Variants in HERC2 observed in about 807,000 individuals in gnomAD.
HERC2 encodes the protein HECT and RLD domain containing E3 ubiquitin protein ligase 2.
A neutral mutation model predicts 537.7 loss-of-function variants in HERC2; 102 were observed. The observed-to-expected ratio is 0.19, with a 90% CI of 0.16 to 0.22. HERC2 has a LOEUF of 0.22. HERC2 is among the 10% of genes least tolerant of loss of function. The pLI, the probability that HERC2 is intolerant of heterozygous loss-of-function variation, is 1.00. For missense variants in HERC2, 4,236 were observed against 6,198.2 expected (o/e 0.68, Z 10.63); for synonymous variants, 2,224 against 2,466.2 (o/e 0.90, Z 2.91).
chr15:28,157,531 T>C (rs1486107903), intron 69 of HERC2, among the ~76,000 whole-genome samples: 3 of 152,254 alleles, frequency 2.0e-5, no homozygotes, highest in Non-Finnish European at 2.9e-5. Flanking sequence ...TTTATTTGTG[T>C]AGAGGTGTTT....
Position 28,246,903 on chromosome 15 carries a change from A to C in HERC2, c.3236-6T>G. The C allele has an allele frequency of 6.3e-7, 1 of 1,589,522 alleles. No homozygotes were observed. The highest frequency in any genetic ancestry group is 8.5e-7 in the Non-Finnish European group (1 of 1,173,384). ...AACACCCATTAGCTCTGGACCTTGA[A>C]GAAGGATTGAGAAATTTTCATTTTC... On this transcript the variant is annotated splice_region_variant and splice_polypyrimidine_tract_variant and intron_variant, in intron 21 of 92. Transcript: ENST00000261609.
In HERC2 at chr15:28,198,329, C is replaced by G. The variant is rs377214876; in HGVS notation, c.8011+49G>C. The stretch of plus-strand genomic sequence containing the variant: ...CAAAAAGAAATACTAAGTACACATG[C>G]GTTAATGAAAAGTTAACATCAGGAA... On this transcript the variant is annotated intron_variant, in intron 50 of 92. Coordinates refer to ENST00000261609, the MANE Select transcript of HERC2 (RefSeq NM_004667.6). 3 of 1,581,406 alleles carry G rather than the reference C, an allele frequency of 1.9e-6. No homozygotes were observed. In the Admixed American group the frequency reaches 5.1e-5, roughly 27 times the overall value.
intron 67 of HERC2, 127 bp from the exon 68 acceptor site, chr15:28,167,954 C>T: frequency 9.4e-7 from 1 of 1,062,954 alleles, no homozygotes; most frequent in Non-Finnish European, 1.3e-6. Context: ...CCAGATTTTA[C>T]AGAGGTAACA....
intron 4 of HERC2, 29 bp from the exon 5 acceptor site, chr15:28,280,316 C>T (rs567624612): frequency 1.3e-6 from 2 of 1,550,864 alleles, no homozygotes; most frequent in Admixed American, 1.9e-5. Flanking sequence ...AAACATCTCA[C>T]CTGTGGACAA....
chr15:28,130,617 T>A (rs771933909), intron 81 of HERC2, 23 bp from the exon 82 acceptor site: 9 of 1,528,128 alleles, frequency 5.9e-6, no homozygotes, highest in Admixed American at 1.7e-5. Context: ...AAGGTTCAAT[T>A]AGACAGACAG....
intron 67 of HERC2, 125 bp downstream of exon 67, chr15:28,168,281 TA>T: frequency 1.1e-6 from 1 of 914,226 alleles, no homozygotes; most frequent in Non-Finnish European, 1.7e-6. Flanking sequence ...TTCTTCTAAG[TA>T]AAGCCAAAAA....
intron 79 of HERC2, among the ~76,000 whole-genome samples, chr15:28,134,703 CTTTTTT>C (rs71132835): frequency 2.8e-4 from 32 of 114,802 alleles, no homozygotes; most frequent in Non-Finnish European, 5.5e-4. Context: ...ATTTTTTCCT[CTTTTTT>C]TTTTTTTTTT....
chr15:28,218,725 A>G, intron 37 of HERC2, 54 bp from the exon 38 acceptor site: 1 of 1,379,814 alleles, frequency 7.2e-7, no homozygotes, highest in Non-Finnish European at 1.0e-6. Flanking sequence ...ACTGGAAGAT[A>G]GTCCTGCATA....
At chr15:28,295,715 T>C (rs1160155513) in intron 3 of HERC2, among the ~76,000 whole-genome samples, 1 of 152,184 alleles carries the variant, frequency 6.6e-6, no homozygotes, top group Non-Finnish European at 1.5e-5. Context: ...TTTATAGTTT[T>C]TAATAATTGA....
chr15:28,126,732 G>A (rs1003568640), intron 83 of HERC2, among the ~76,000 whole-genome samples: 1 of 152,124 alleles, frequency 6.6e-6, no homozygotes, highest in Admixed American at 6.5e-5. Context: ...AGAGGAGTGA[G>A]GGATAAAAGA....
intron 83 of HERC2, among the ~76,000 whole-genome samples, chr15:28,126,019 T>C (rs1235329483): frequency 1.3e-5 from 2 of 152,076 alleles, no homozygotes; most frequent in African/African-American, 4.8e-5. Flanking sequence ...ACCATGTGGG[T>C]CAGGCTGGTC....
intron 35 of HERC2, among the ~76,000 whole-genome samples, chr15:28,224,684 C>A (rs1489413348): frequency 6.6e-6 from 1 of 152,100 alleles, no homozygotes; most frequent in South Asian, 2.1e-4. Context: ...GAACATCTCA[C>A]CAAAAAGAGC....
intron 4 of HERC2, among the ~76,000 whole-genome samples, chr15:28,289,373 T>C (rs537157566): frequency 0.016 from 2,417 of 147,264 alleles, 81 homozygotes; most frequent in Non-Finnish European, 0.022. Flanking sequence ...ACAAATATGA[T>C]GTAAAAATCC....
At chr15:28,167,533 G>A (rs536497284) in intron 68 of HERC2, among the ~76,000 whole-genome samples, 154 bp downstream of exon 68, 1 of 152,342 alleles carries the variant, frequency 6.6e-6, no homozygotes, top group Admixed American at 6.5e-5. Flanking sequence ...GTGTCCTGCG[G>A]CATTCCCACA....
rs1405437780 is a variant in HERC2, at chr15:28,316,053, G to A, written c.72+5309C>T. The A allele has an allele frequency of 1.3e-4, 29 of 225,068 alleles. 1 individual carries two copies. The highest frequency in any genetic ancestry group is 6.7e-4 in the African/African-American group (18 of 26,682). The allele number at this position is 225,068 out of a possible 1,614,324, so 13.9% of individuals were successfully genotyped here. A position where few individuals can be genotyped will look rare whatever the true frequency, so the allele number is the denominator to read the frequency against. ...AACCATATAATAAATCACCTCTTCC[G>A]CTGTTTAAAAAAAAAAAAAATTATC... On this transcript the variant is annotated intron_variant, in intron 2 of 92. Coordinates refer to ENST00000261609, the MANE Select transcript of HERC2 (RefSeq NM_004667.6).
chr15:28,217,050 GAC>G (rs1899993214), intron 38 of HERC2, among the ~76,000 whole-genome samples: 1 of 152,054 alleles, frequency 6.6e-6, no homozygotes, highest in Non-Finnish European at 1.5e-5. Flanking sequence ...TGCTCACACT[GAC>G]ACAAGGCACT....
chr15:28,280,888 T>A (rs1353413325), intron 4 of HERC2, among the ~76,000 whole-genome samples: 2 of 151,898 alleles, frequency 1.3e-5, no homozygotes, highest in Non-Finnish European at 2.9e-5. Context: ...CCAGCCTGGG[T>A]GACAGAGTGA....
chr15:28,141,331 G>C, intron 78 of HERC2, 101 bp downstream of exon 78: 1 of 944,648 alleles, frequency 1.1e-6, no homozygotes, highest in South Asian at 1.4e-5. Context: ...CCTGAGAAAC[G>C]TTTTAGTACA....
chr15:28,114,371 C>A (rs1887991170), intron 90 of HERC2, among the ~76,000 whole-genome samples: 2 of 152,196 alleles, frequency 1.3e-5, no homozygotes, highest in African/African-American at 4.8e-5. Flanking sequence ...TCTCCAGGTG[C>A]AGTGACCCAA....
Sources: allele counts gnomAD v4.1 joint callset (sites outside exome capture counted in the v4.1 genomes callset), GRCh38; gene constraint gnomAD v4.1.1; transcripts MANE v1.5; gene names NCBI Gene and HGNC (gene_info 2026-07-23, HGNC 2026-07-21).